SH3GL3: variants seen among roughly 807,000 people sequenced by gnomAD.
SH3GL3 encodes endophilin-A3.
In SH3GL3, 33 loss-of-function variants were observed where a neutral mutation model predicts 47.7. The observed-to-expected ratio is 0.69, with a 90% CI of 0.52 to 0.92. The LOEUF (loss-of-function observed/expected upper bound fraction) is 0.92, where lower values mean the gene tolerates loss of function less well. Ranked by LOEUF, SH3GL3 falls within the 40% of genes least tolerant of loss-of-function variation. The probability of loss-of-function intolerance (pLI) is 0.00; values close to 1 mark genes in which losing one functional copy is unlikely to be tolerated. For missense variants in SH3GL3, 363 were observed against 417.8 expected (o/e 0.87, Z 1.14); for synonymous variants, 155 against 148.8 (o/e 1.04, Z -0.30).
chr15:83,539,054 C>T (rs548653949), intron 1 of SH3GL3, among the ~76,000 whole-genome samples: 2 of 152,250 alleles, frequency 1.3e-5, no homozygotes, highest in South Asian at 4.1e-4. Context: ...GTAATTTTGA[C>T]CATTCTGATA....
the SH3GL3 span, among the ~76,000 whole-genome samples, chr15:83,629,580 G>T: frequency 1.6e-4 from 25 of 152,272 alleles, no homozygotes; most frequent in South Asian, 1.0e-3. Flanking sequence ...AGCACTTTGG[G>T]AGTCCAAGGC....
chr15:83,627,396 C>CAA, the SH3GL3 span, among the ~76,000 whole-genome samples: 54 of 75,318 alleles, frequency 7.2e-4, no homozygotes, highest in Middle Eastern at 7.4e-3. Context: ...GATGCCGTCT[C>CAA]AAAAAAAAAA....
At chr15:83,483,619 A>G (rs558574040) in intron 1 of SH3GL3, among the ~76,000 whole-genome samples, 25 of 152,310 alleles carry the variant, frequency 1.6e-4, no homozygotes, top group Admixed American at 1.6e-3. Flanking sequence ...GGATGCAGCA[A>G]GGGGAAATCT....
chr15:83,623,100 G>T (rs772143304), downstream of SH3GL3, among the ~76,000 whole-genome samples: 5 of 152,178 alleles, frequency 3.3e-5, no homozygotes, highest in African/African-American at 4.8e-5. Context: ...CCTTAAAAAT[G>T]TCCTCAATAT....
chr15:83,493,715 G>C (rs971138140), intron 1 of SH3GL3, among the ~76,000 whole-genome samples: 1 of 148,318 alleles, frequency 6.7e-6, no homozygotes, highest in South Asian at 2.3e-4. Flanking sequence ...TCTGTAACCC[G>C]CCATGCAATC....
chr15:83,536,813 G>T (rs2201101), intron 1 of SH3GL3, among the ~76,000 whole-genome samples: 120,002 of 152,082 alleles, frequency 0.79, 47,565 homozygotes, highest in Admixed American at 0.83. Context: ...ATATGAAATC[G>T]TCTCAAATTT....
chr15:83,576,551 C>T (rs2059684953), intron 5 of SH3GL3, 32 bp from the exon 6 acceptor site: 4 of 1,561,006 alleles, frequency 2.6e-6, no homozygotes, highest in Non-Finnish European at 2.6e-6. Context: ...GAATGTAGCA[C>T]CTCTCTGAGG....
chr15:83,550,281 T>C (rs1455793594), intron 1 of SH3GL3, among the ~76,000 whole-genome samples: 1 of 152,194 alleles, frequency 6.6e-6, no homozygotes, highest in Non-Finnish European at 1.5e-5. Context: ...AGAACACCAG[T>C]CCTTGGAGAT....
chr15:83,607,839 C>CT, intron 8 of SH3GL3, among the ~76,000 whole-genome samples: 1 of 68,410 alleles, frequency 1.5e-5, no homozygotes, highest in Non-Finnish European at 3.1e-5. Flanking sequence ...CTCAGAGTGG[C>CT]AAATAATAAT....
At chr15:83,505,685 C>T (rs1194674463) in intron 1 of SH3GL3, among the ~76,000 whole-genome samples, 1 of 152,048 alleles carries the variant, frequency 6.6e-6, no homozygotes, top group Admixed American at 6.6e-5. Flanking sequence ...TGCCACCACA[C>T]TCAGCTAATT....
rs1435054182 is a variant in SH3GL3 at position 83,603,402 on chromosome 15, C to CTT, written c.838+14633_838+14634dup. Among the ~76,000 whole-genome samples, 4 of 152,246 alleles carry CTT rather than the reference C, an allele frequency of 2.6e-5. No homozygotes were observed. In the East Asian group the frequency reaches 7.7e-4, roughly 29 times the overall value. On this transcript the variant is annotated intron_variant, in intron 8 of 8. Coordinates refer to ENST00000427482, the MANE Select transcript of SH3GL3 (RefSeq NM_003027.5). The stretch of plus-strand genomic sequence containing the variant: ...GATATAGCTCTTAAGACTTTCATTT[C>CTT]TTTCCTTCCTTGTCTTACCCATGCT...
intron 1 of SH3GL3, among the ~76,000 whole-genome samples, chr15:83,531,488 A>G (rs566476839): frequency 6.0e-4 from 91 of 152,310 alleles, no homozygotes; most frequent in African/African-American, 2.1e-3. Flanking sequence ...GGAATGGAGA[A>G]GTGTGAGGTG....
chr15:83,609,348 G>A (rs756757631), intron 8 of SH3GL3: 38 of 455,770 alleles, frequency 8.3e-5, no homozygotes, highest in Admixed American at 3.5e-4. Context: ...AGGAAAAAGT[G>A]ACAGGTCGCA....
chr15:83,527,764 G>A (rs1173518667), intron 1 of SH3GL3, among the ~76,000 whole-genome samples: 1 of 152,016 alleles, frequency 6.6e-6, no homozygotes, highest in Non-Finnish European at 1.5e-5. Context: ...ATTGTCATTT[G>A]GTTTTGTGGT....
chr15:83,626,394 T>C, the SH3GL3 span, among the ~76,000 whole-genome samples: 1 of 152,168 alleles, frequency 6.6e-6, no homozygotes, highest in African/African-American at 2.4e-5. Flanking sequence ...GCCATGACTT[T>C]AGTGATAAAG....
chr15:83,563,787 C>T (rs2045397452), intron 2 of SH3GL3, among the ~76,000 whole-genome samples: 2 of 151,976 alleles, frequency 1.3e-5, no homozygotes, highest in South Asian at 2.1e-4. Context: ...TATAGGCACC[C>T]GTCATCATGC....
At chr15:83,575,935 A>G (rs2059664720) in intron 5 of SH3GL3, among the ~76,000 whole-genome samples, 1 of 152,074 alleles carries the variant, frequency 6.6e-6, no homozygotes, top group Non-Finnish European at 1.5e-5. Context: ...TGGGAAACCT[A>G]CTGCTACGCA....
chr15:83,522,333 T>G (rs1222099556), intron 1 of SH3GL3, among the ~76,000 whole-genome samples: 8 of 152,210 alleles, frequency 5.3e-5, no homozygotes, highest in Non-Finnish European at 8.8e-5. Flanking sequence ...ATCTTTGGTA[T>G]TATTTGCACT....
chr15:83,474,430 C>A (rs1227794176), intron 1 of SH3GL3, among the ~76,000 whole-genome samples: 1 of 151,714 alleles, frequency 6.6e-6, no homozygotes, highest in Non-Finnish European at 1.5e-5. Context: ...GAAATATTGG[C>A]AATTAATTTA....
Sources: gnomAD v4.1 joint callset for allele counts (sites outside exome capture counted in the v4.1 genomes callset) on GRCh38, gnomAD v4.1.1 for gene constraint, MANE v1.5 for transcripts, NCBI Gene and HGNC (gene_info 2026-07-23, HGNC 2026-07-21) for gene names.